SHISA9: variants seen among roughly 807,000 people sequenced by gnomAD.
The protein encoded by SHISA9 is shisa family member 9.
In SHISA9, 13 loss-of-function variants were observed where a neutral mutation model predicts 38.0. That is an observed-to-expected ratio of 0.34 (90% CI 0.22 to 0.54). SHISA9 has a LOEUF of 0.54. Ranked by LOEUF, SHISA9 falls within the 20% of genes least tolerant of loss-of-function variation. The probability of loss-of-function intolerance (pLI) is 0.91; values close to 1 mark genes in which losing one functional copy is unlikely to be tolerated. For synonymous variants in SHISA9, 275 were observed against 242.0 expected (o/e 1.14, Z -1.27); for missense variants, 538 against 575.8 (o/e 0.93, Z 0.67).
At chr16:13,264,438 G>T in the SHISA9 span, among the ~76,000 whole-genome samples, 1,626 of 152,148 alleles carry the variant, frequency 0.011, 21 homozygotes, top group African/African-American at 0.036. Flanking sequence ...TTCCCAAAGT[G>T]CTAGGATTAC....
At chr16:13,416,129 GA>G in the SHISA9 span, among the ~76,000 whole-genome samples, 242 of 151,714 alleles carry the variant, frequency 1.6e-3, no homozygotes, top group African/African-American at 5.5e-3. Flanking sequence ...TATTCTACAT[GA>G]AAAAAAACCT....
intron 2 of SHISA9, among the ~76,000 whole-genome samples, chr16:12,961,245 G>C (rs1421855379): frequency 6.6e-6 from 1 of 152,174 alleles, no homozygotes; most frequent in African/African-American, 2.4e-5. Context: ...GCTTTGGAGG[G>C]ATGGACAGGA....
At chr16:13,430,479 C>G in the SHISA9 span, among the ~76,000 whole-genome samples, 2 of 152,164 alleles carry the variant, frequency 1.3e-5, no homozygotes, top group Non-Finnish European at 2.9e-5. Flanking sequence ...TCCTAGTATC[C>G]TAAACACCAC....
chr16:13,252,164 C>T, the SHISA9 span, among the ~76,000 whole-genome samples: 1 of 152,226 alleles, frequency 6.6e-6, no homozygotes, highest in African/African-American at 2.4e-5. Context: ...AAATGCCTCT[C>T]TGCCTTCCTG....
intron 2 of SHISA9, among the ~76,000 whole-genome samples, chr16:12,957,128 T>C (rs926953684): frequency 7.2e-5 from 11 of 152,180 alleles, no homozygotes; most frequent in African/African-American, 2.7e-4. Flanking sequence ...TCATATTGTA[T>C]TAATAAATGC....
At chr16:13,091,184 G>GC (rs201792086) in intron 2 of SHISA9, among the ~76,000 whole-genome samples, 8,109 of 152,214 alleles carry the variant, frequency 0.053, 351 homozygotes, top group Admixed American at 0.14. Context: ...AGTCTGATGG[G>GC]CTTCCCTTTG....
At chr16:13,389,981 G>A in the SHISA9 span, among the ~76,000 whole-genome samples, 16 of 152,258 alleles carry the variant, frequency 1.1e-4, no homozygotes, top group South Asian at 8.3e-4. Context: ...TACTGGGTTA[G>A]GCACCTGGCT....
chr16:13,450,796 G>GTTT, the SHISA9 span, among the ~76,000 whole-genome samples: 1 of 152,086 alleles, frequency 6.6e-6, no homozygotes, highest in South Asian at 2.1e-4. Flanking sequence ...TGTTGTTGTT[G>GTTT]TTTTCTTCTT....
chr16:13,451,878 C>T, the SHISA9 span, among the ~76,000 whole-genome samples: 2 of 152,186 alleles, frequency 1.3e-5, no homozygotes, highest in African/African-American at 4.8e-5. Context: ...ATGGAAGTTA[C>T]TGCTTTCATT....
At chr16:13,447,816 G>T in the SHISA9 span, among the ~76,000 whole-genome samples, 1 of 152,138 alleles carries the variant, frequency 6.6e-6, no homozygotes, top group Non-Finnish European at 1.5e-5. Flanking sequence ...TGTGATTACT[G>T]TAGTGGGTAA....
the SHISA9 span, among the ~76,000 whole-genome samples, chr16:13,320,375 A>C: frequency 1.3e-5 from 2 of 150,894 alleles, no homozygotes; most frequent in Non-Finnish European, 2.9e-5. Flanking sequence ...GTTCCAATTC[A>C]GGTTTCTCTC....
chr16:13,530,164 G>T, the SHISA9 span, among the ~76,000 whole-genome samples: 1 of 152,142 alleles, frequency 6.6e-6, no homozygotes, highest in Non-Finnish European at 1.5e-5. Context: ...AGCCAGGCCT[G>T]GTGGTGAACA....
chr16:12,999,353 T>C (rs1159257144), intron 2 of SHISA9, among the ~76,000 whole-genome samples: 2 of 152,230 alleles, frequency 1.3e-5, no homozygotes, highest in Admixed American at 6.5e-5. Flanking sequence ...TTGTTTTACC[T>C]TGGCTGACAA....
At chr16:13,310,403 C>G in the SHISA9 span, among the ~76,000 whole-genome samples, 3 of 152,008 alleles carry the variant, frequency 2.0e-5, no homozygotes, top group Non-Finnish European at 4.4e-5. Context: ...AAATAAACCC[C>G]ATGAATTCAT....
chr16:13,414,825 G>T, the SHISA9 span, among the ~76,000 whole-genome samples: 1 of 151,826 alleles, frequency 6.6e-6, no homozygotes, highest in Non-Finnish European at 1.5e-5. Flanking sequence ...TAGAGACAGG[G>T]TTTCACCATG....
the SHISA9 span, among the ~76,000 whole-genome samples, chr16:13,537,218 A>G: frequency 7.2e-5 from 11 of 152,170 alleles, no homozygotes; most frequent in African/African-American, 2.7e-4. Context: ...ACTTGAGGTC[A>G]GGAGTTGAAG....
intron 2 of SHISA9, among the ~76,000 whole-genome samples, chr16:13,104,523 A>C (rs529475259): frequency 1.1e-3 from 160 of 152,356 alleles, no homozygotes; most frequent in African/African-American, 3.8e-3. Context: ...AGCAATAGAA[A>C]AGGAATGAAA....
chr16:13,490,071 A>G, the SHISA9 span, among the ~76,000 whole-genome samples: 1 of 152,240 alleles, frequency 6.6e-6, no homozygotes, highest in Non-Finnish European at 1.5e-5. Flanking sequence ...GTAGGAACAT[A>G]GTAGACATAC....
the SHISA9 span, among the ~76,000 whole-genome samples, chr16:13,309,129 T>C: frequency 6.6e-6 from 1 of 152,206 alleles, no homozygotes; most frequent in East Asian, 1.9e-4. Flanking sequence ...GTGGTCTTCT[T>C]GCACCTGCGG....
Sources: allele counts gnomAD v4.1 joint callset (sites outside exome capture counted in the v4.1 genomes callset), GRCh38; gene constraint gnomAD v4.1.1; transcripts MANE v1.5; gene names NCBI Gene and HGNC (gene_info 2026-07-23, HGNC 2026-07-21).